The following FARP2 variants were observed in gnomAD, a reference collection of about 807,000 sequenced individuals.
FARP2 encodes the protein FERM, ARHGEF and pleckstrin domain-containing protein 2.
Under a neutral mutation model 130.5 loss-of-function variants are expected in FARP2, and 111 were observed. The ratio of observed to expected loss-of-function variants is 0.85; its 90% CI spans 0.73 to 1.00. FARP2 has a LOEUF of 1.00. FARP2 is among the 50% of genes least tolerant of loss of function. The probability of loss-of-function intolerance (pLI) is 0.00; values close to 1 mark genes in which losing one functional copy is unlikely to be tolerated. For synonymous variants in FARP2, 504 were observed against 516.9 expected, an observed-to-expected ratio of 0.98 and a Z score of 0.34; for missense variants, 1,385 against 1,346.3, an observed-to-expected ratio of 1.03 and a Z score of -0.45.
intron 2 of FARP2, among the ~76,000 whole-genome samples, chr2:241,392,183 CAT>C (rs1476302322): frequency 3.3e-5 from 5 of 152,028 alleles, no homozygotes; most frequent in African/African-American, 1.2e-4. Context: ...CAGTGAAACT[CAT>C]AGGATGGTGT....
At chr2:241,393,686 T>C (rs994001850) in intron 2 of FARP2, among the ~76,000 whole-genome samples, 1 of 152,196 alleles carries the variant, frequency 6.6e-6, no homozygotes, top group African/African-American at 2.4e-5. Flanking sequence ...GGACAAAAGC[T>C]GTTTCAAGAA....
intron 12 of FARP2, among the ~76,000 whole-genome samples, chr2:241,440,390 C>A (rs1232055329): frequency 6.6e-6 from 1 of 152,124 alleles, no homozygotes; most frequent in Non-Finnish European, 1.5e-5. Context: ...GTGTGTGGAA[C>A]CATGAGGGGA....
chr2:241,366,104 A>AAT (rs1553705629), intron 1 of FARP2, among the ~76,000 whole-genome samples: 13 of 57,006 alleles, frequency 2.3e-4, no homozygotes, highest in African/African-American at 6.1e-4. Flanking sequence ...AAAAAAAAAA[A>AAT]ATATATATAT....
intron 8 of FARP2, among the ~76,000 whole-genome samples, chr2:241,427,800 C>T (rs1574803642): frequency 6.6e-6 from 1 of 151,906 alleles, no homozygotes; most frequent in Non-Finnish European, 1.5e-5. Context: ...GAGTCTCACT[C>T]TGTCGCCCAG....
At position 241,403,838 on chromosome 2, in the gene FARP2, A is replaced by G. The variant is rs190860431; in HGVS notation, c.194A>G (p.Asp65Gly). The part of the protein sequence containing the change: ...MEIFDIEPKC[D>G]GQVLLTQVWK... ...TCTCTCTCTGCACAGCCTAAATGCG[A>G]TGGCCAGGTATTACTGACACAAGTG... is the stretch of plus-strand genomic sequence containing the variant. Residue 65 changes from aspartate (D) to glycine (G), a missense_variant, in exon 3 of 27, where the codon GAT becomes GGT. By Grantham distance (94) the Asp-to-Gly change is moderately conservative. Transcript: ENST00000264042. The G allele has an allele frequency of 1.2e-6, 2 of 1,611,412 alleles. No individual in the cohort carries two copies. Among genetic ancestry groups the G allele is most frequent in the East Asian group, 4.5e-5 (2 of 44,858 alleles).
chr2:241,407,664 C>G, intron 5 of FARP2, 49 bp downstream of exon 5: 1 of 1,353,762 alleles, frequency 7.4e-7, no homozygotes, highest in Non-Finnish European at 1.1e-6. Context: ...ATCTTGTATT[C>G]ACCTGTTATC....
intron 13 of FARP2, among the ~76,000 whole-genome samples, chr2:241,451,780 A>C (rs1341091673): frequency 3.3e-5 from 5 of 152,044 alleles, no homozygotes; most frequent in Non-Finnish European, 7.4e-5. Context: ...TTTGAGACAC[A>C]GTCTCACTCT....
At chr2:241,439,237 C>T (rs560189117) in intron 12 of FARP2, among the ~76,000 whole-genome samples, 5 of 151,902 alleles carry the variant, frequency 3.3e-5, no homozygotes, top group Admixed American at 6.6e-5. Context: ...AGGCTGGTCT[C>T]AAACTCCTGG....
intron 9 of FARP2, 67 bp downstream of exon 9, chr2:241,431,841 A>C: frequency 1.8e-6 from 1 of 542,930 alleles, no homozygotes; most frequent in Non-Finnish European, 2.6e-6. Context: ...TTTTTTTGAG[A>C]CGGAGTTTCG....
chr2:241,416,246 A>G (rs1291813521), intron 7 of FARP2, among the ~76,000 whole-genome samples: 1 of 152,030 alleles, frequency 6.6e-6, no homozygotes, highest in African/African-American at 2.4e-5. Flanking sequence ...ACATGTGCAC[A>G]TGTATCCGCT....
At chr2:241,357,035 A>G (rs189146182) in intron 1 of FARP2, among the ~76,000 whole-genome samples, 11 of 152,368 alleles carry the variant, frequency 7.2e-5, no homozygotes, top group Non-Finnish European at 1.3e-4. Context: ...ACACACCCGA[A>G]TTACGGGCAC....
rs918131029 is a variant in FARP2 at position 241,378,058 on chromosome 2, G to T, written c.183+4768G>T. ...TTATTCTAGCCATCCTAGTAGGTGT[G>T]TAGTAGTATCTCATTGTGGTTTGAG... On this transcript the variant is annotated intron_variant, in intron 2 of 26. Coordinates refer to ENST00000264042, the MANE Select transcript of FARP2 (RefSeq NM_014808.4). Among the ~76,000 whole-genome samples, 5 of 151,960 alleles carry T rather than the reference G, an allele frequency of 3.3e-5. No individual in the cohort carries two copies. The East Asian group carries it at 7.7e-4, about 23-fold the overall frequency.
chr2:241,488,414 TG>T (rs1467568497), intron 21 of FARP2: 14 of 148,028 alleles, frequency 9.5e-5, no homozygotes, highest in African/African-American at 2.7e-4. Context: ...TTTACTTTTT[TG>T]GTTTTTTTTT....
intron 26 of FARP2, 193 bp downstream of exon 26, chr2:241,493,637 C>G (rs911510586): frequency 6.7e-6 from 4 of 592,972 alleles, no homozygotes; most frequent in Non-Finnish European, 1.2e-5. Context: ...CTCTGTCACT[C>G]AGGCTGGAGT....
chr2:241,484,288 G>C lies in FARP2; in HGVS notation c.2378G>C (p.Ser793Thr). Residue 793 changes from serine (S) to threonine (T), a missense_variant, in exon 21 of 27, where the codon AGC (serine) becomes ACC (threonine). Coordinates refer to ENST00000264042, the MANE Select transcript of FARP2 (RefSeq NM_014808.4). ...LYTSKGVAGT[S>T]HFRIRGLLPL... ...ACAAGCAAAGGAGTTGCAGGGACCA[G>C]CCACTTCCGGATCCGGGGCCTCCTT... 6.2e-7 allele frequency: 1 copy of C among 1,614,160 alleles called. No homozygotes were observed.
At chr2:241,416,363 C>T (rs2062672952) in intron 7 of FARP2, among the ~76,000 whole-genome samples, 1 of 152,158 alleles carries the variant, frequency 6.6e-6, no homozygotes, top group Non-Finnish European at 1.5e-5. Flanking sequence ...AAGCTCTGCT[C>T]TACGTTGTAG....
Position 241,463,991 on chromosome 2 carries a change from T to C in FARP2, c.1893+11T>C. The C allele has an allele frequency of 3.7e-6, 6 of 1,607,688 alleles. No individual in the cohort carries two copies. Among genetic ancestry groups the C allele is most frequent in the Non-Finnish European group, 5.1e-6 (6 of 1,174,400 alleles). On this transcript the variant is annotated intron_variant, in intron 17 of 26. Transcript: ENST00000264042. The stretch of plus-strand genomic sequence containing the variant: ...ATGCGCCAGTTAAAGGTAGGCTGCA[T>C]GGTGACTACTGCCTACATGAATGCT...
chr2:241,453,769 GTTTTTTTTTTTT>G, intron 13 of FARP2, among the ~76,000 whole-genome samples: 1 of 54,054 alleles, frequency 1.8e-5, no homozygotes, highest in South Asian at 5.8e-4. Context: ...GCACTTACTG[GTTTTTTTTTTTT>G]TTTTTTTTTT....
chr2:241,372,422 G>C (rs1469643662), intron 1 of FARP2: 1 of 152,150 alleles, frequency 6.6e-6, no homozygotes, highest in Non-Finnish European at 1.5e-5. Flanking sequence ...CTCCACCCTG[G>C]CGAGACACGT....
Sources: allele counts gnomAD v4.1 joint callset (sites outside exome capture counted in the v4.1 genomes callset), GRCh38; gene constraint gnomAD v4.1.1; transcripts MANE v1.5; gene names NCBI Gene and HGNC (gene_info 2026-07-23, HGNC 2026-07-21).